Variants in TMEM272 observed in about 807,000 individuals in gnomAD.
The protein encoded by TMEM272 is long intergenic non-protein coding RNA 282.
TMEM272 carries 8 observed loss-of-function variants against 3.7 expected under a neutral mutation model. That is an observed-to-expected ratio of 2.17 (90% CI 1.27 to 3.91). The LOEUF is 3.91. Ranked by LOEUF, TMEM272 falls within the 30% of genes most tolerant of loss-of-function variation. The pLI is 0.00. For missense variants in TMEM272, 166 were observed against 91.5 expected (o/e 1.81, Z -3.32); for synonymous variants, 63 against 39.8 (o/e 1.58, Z -2.20).
At chr13:51,883,369 G>T in the TMEM272 span, among the ~76,000 whole-genome samples, 2 of 152,200 alleles carry the variant, frequency 1.3e-5, no homozygotes, top group Non-Finnish European at 2.9e-5. Context: ...AATGAGGTAC[G>T]TGAGCATCGA....
chr13:51,818,773 C>G (rs1956055136), intron 4 of TMEM272, among the ~76,000 whole-genome samples: 1 of 152,140 alleles, frequency 6.6e-6, no homozygotes, highest in Non-Finnish European at 1.5e-5. Flanking sequence ...TGTAAAGATA[C>G]AAAACCTAAG....
the TMEM272 span, among the ~76,000 whole-genome samples, chr13:51,896,517 G>A: frequency 6.6e-6 from 1 of 152,202 alleles, no homozygotes; most frequent in Admixed American, 6.5e-5. Context: ...TGGTTCTGCA[G>A]TCACTGCCCT....
the TMEM272 span, among the ~76,000 whole-genome samples, chr13:51,857,780 T>C: frequency 2.0e-5 from 3 of 152,136 alleles, no homozygotes; most frequent in African/African-American, 4.8e-5. Flanking sequence ...TCAGTAATTA[T>C]ATTAAGTGTA....
At chr13:51,926,095 T>C in the TMEM272 span, among the ~76,000 whole-genome samples, 15 of 151,778 alleles carry the variant, frequency 9.9e-5, no homozygotes, top group South Asian at 3.1e-3. Flanking sequence ...GTGTGGTATG[T>C]GGTGTGTGTG....
intron 2 of TMEM272, 107 bp downstream of exon 2, chr13:51,838,366 T>A (rs1956233424): frequency 1.4e-6 from 1 of 696,874 alleles, no homozygotes; most frequent in Non-Finnish European, 2.6e-6. Context: ...GGCCACCCCA[T>A]ACCAAGCACA....
At chr13:51,874,240 T>C in the TMEM272 span, among the ~76,000 whole-genome samples, 13 of 152,226 alleles carry the variant, frequency 8.5e-5, no homozygotes, top group Non-Finnish European at 1.8e-4. Flanking sequence ...CTTGGCTGTG[T>C]AGTCACTTAC....
chr13:51,916,158 A>G, the TMEM272 span, among the ~76,000 whole-genome samples: 1 of 152,172 alleles, frequency 6.6e-6, no homozygotes, highest in East Asian at 1.9e-4. Flanking sequence ...ACCTATCTAA[A>G]CCAATTACAA....
At chr13:51,892,338 A>C in the TMEM272 span, among the ~76,000 whole-genome samples, 2 of 152,208 alleles carry the variant, frequency 1.3e-5, no homozygotes, top group Non-Finnish European at 2.9e-5. Context: ...CATCATTGTC[A>C]TCTCATCTCA....
the TMEM272 span, among the ~76,000 whole-genome samples, chr13:51,873,738 C>G: frequency 1.3e-5 from 2 of 152,232 alleles, no homozygotes; most frequent in African/African-American, 4.8e-5. Flanking sequence ...ATATGGCTGA[C>G]TCTGAAGAGC....
At chr13:51,902,761 G>C in the TMEM272 span, among the ~76,000 whole-genome samples, 1 of 152,236 alleles carries the variant, frequency 6.6e-6, no homozygotes, top group Admixed American at 6.5e-5. Context: ...CCAAATCTCT[G>C]ACACACACAG....
At chr13:51,920,459 C>T in the TMEM272 span, among the ~76,000 whole-genome samples, 18 of 152,198 alleles carry the variant, frequency 1.2e-4, no homozygotes, top group African/African-American at 4.1e-4. Flanking sequence ...AATCATGTCA[C>T]GCCCCTCCTT....
At chr13:51,871,707 AAAT>A in the TMEM272 span, among the ~76,000 whole-genome samples, 5 of 152,048 alleles carry the variant, frequency 3.3e-5, no homozygotes, top group Non-Finnish European at 1.5e-5. Context: ...AGAAATTGTG[AAAT>A]AATAAATGTT....
the TMEM272 span, chr13:51,862,244 G>C: frequency 1.3e-5 from 2 of 152,138 alleles, no homozygotes; most frequent in Non-Finnish European, 2.9e-5. Context: ...GTAACTGTTG[G>C]CTTTAGACTG....
chr13:51,869,575 T>G, the TMEM272 span, among the ~76,000 whole-genome samples: 2 of 151,794 alleles, frequency 1.3e-5, no homozygotes, highest in African/African-American at 4.8e-5. Flanking sequence ...CTGCAACCTC[T>G]GCTTCCAGAG....
At chr13:51,852,548 A>T in the TMEM272 span, among the ~76,000 whole-genome samples, 1 of 152,156 alleles carries the variant, frequency 6.6e-6, no homozygotes, top group Non-Finnish European at 1.5e-5. Context: ...TTCATCTTTG[A>T]GCAATTTTCC....
At chr13:51,839,873 G>A (rs145126947) in intron 1 of TMEM272, among the ~76,000 whole-genome samples, 2 of 152,242 alleles carry the variant, frequency 1.3e-5, no homozygotes, top group East Asian at 1.9e-4. Flanking sequence ...GCTGAGACTC[G>A]GGGTTCTTAT....
the TMEM272 span, among the ~76,000 whole-genome samples, chr13:51,905,586 G>A: frequency 1.2e-4 from 18 of 152,182 alleles, no homozygotes; most frequent in African/African-American, 3.9e-4. Flanking sequence ...GCAGCGGCGC[G>A]GTCGACCCAA....
chr13:51,865,066 T>C, the TMEM272 span, among the ~76,000 whole-genome samples: 3 of 152,242 alleles, frequency 2.0e-5, no homozygotes, highest in Non-Finnish European at 4.4e-5. Flanking sequence ...CACACCTATG[T>C]GTTCTGATAC....
intron 2 of TMEM272, among the ~76,000 whole-genome samples, chr13:51,827,857 G>A (rs1337232537): frequency 3.9e-5 from 6 of 152,198 alleles, no homozygotes; most frequent in South Asian, 2.1e-4. Context: ...TACCAGATAC[G>A]TTATTAGTGG....
Sources: gnomAD v4.1 joint callset for allele counts (sites outside exome capture counted in the v4.1 genomes callset) on GRCh38, gnomAD v4.1.1 for gene constraint, MANE v1.5 for transcripts, NCBI Gene and HGNC (gene_info 2026-07-23, HGNC 2026-07-21) for gene names.